The following NDST4 variants were observed in gnomAD, a reference collection of about 807,000 sequenced individuals.
The protein encoded by NDST4 is N-deacetylase and N-sulfotransferase 4.
Under a neutral mutation model 100.8 loss-of-function variants are expected in NDST4, and 63 were observed. The observed-to-expected ratio is 0.62, with a 90% CI of 0.51 to 0.77. The LOEUF (loss-of-function observed/expected upper bound fraction) is 0.77, where lower values mean the gene tolerates loss of function less well. NDST4 is among the 30% of genes least tolerant of loss of function. The pLI is 0.00. For missense variants in NDST4, 943 were observed against 1,018.4 expected (o/e 0.93, Z 1.01); for synonymous variants, 377 against 361.8 (o/e 1.04, Z -0.48).
At chr4:114,920,693 A>C (rs1725269630) in intron 6 of NDST4, among the ~76,000 whole-genome samples, 1 of 152,122 alleles carries the variant, frequency 6.6e-6, no homozygotes, top group Non-Finnish European at 1.5e-5. Context: ...CCTTTTCTTT[A>C]CTTCTAAATC....
intron 2 of NDST4, among the ~76,000 whole-genome samples, chr4:114,979,315 C>T (rs1220220174): frequency 1.3e-5 from 2 of 151,108 alleles, no homozygotes; most frequent in South Asian, 2.1e-4. Context: ...TGCATCCATG[C>T]TCTATCTCAT....
intron 1 of NDST4, among the ~76,000 whole-genome samples, chr4:115,106,256 T>C (rs927902338): frequency 6.6e-6 from 1 of 152,156 alleles, no homozygotes; most frequent in African/African-American, 2.4e-5. Flanking sequence ...GGATCACAGA[T>C]AACTGTTTCC....
At chr4:115,113,092 A>C (rs530083041) in intron 1 of NDST4, among the ~76,000 whole-genome samples, 6 of 151,956 alleles carry the variant, frequency 3.9e-5, no homozygotes, top group Non-Finnish European at 7.4e-5. Context: ...TTGGATGTTG[A>C]GTTTGTAAAA....
intron 6 of NDST4, among the ~76,000 whole-genome samples, chr4:114,895,397 C>A (rs58005760): frequency 0.23 from 34,463 of 151,902 alleles, 5,613 homozygotes; most frequent in African/African-American, 0.47. Flanking sequence ...GAAATGAATA[C>A]ATTCCTGGAG....
chr4:114,841,845 G>GT (rs1221086578), intron 10 of NDST4, among the ~76,000 whole-genome samples: 7 of 151,554 alleles, frequency 4.6e-5, no homozygotes, highest in South Asian at 2.1e-4. Context: ...CAATCTAAGT[G>GT]TTTTTTTTGG....
rs547682836 is a variant in NDST4, at chr4:115,099,124, A to T, written c.-247+14320T>A. On this transcript the variant is annotated intron_variant, in intron 1 of 13. Transcript: ENST00000264363. The stretch of plus-strand genomic sequence containing the variant: ...TGCAGAAACAGTGATTTACACACAG[A>T]CTTTACAACCTTTTTAATAATTAAC... Among the ~76,000 whole-genome samples the T allele has an allele frequency of 2.6e-5, 4 of 152,338 alleles. No individual in the cohort carries two copies. In the South Asian group the frequency reaches 8.3e-4, roughly 32 times the overall value.
At chr4:114,886,635 A>T (rs1724484141) in intron 6 of NDST4, among the ~76,000 whole-genome samples, 1 of 152,144 alleles carries the variant, frequency 6.6e-6, no homozygotes, top group Non-Finnish European at 1.5e-5. Context: ...TTCTGTTTAC[A>T]GTTTGTGGTT....
At chr4:115,069,011 A>T (rs1054295034) in intron 2 of NDST4, among the ~76,000 whole-genome samples, 1 of 152,048 alleles carries the variant, frequency 6.6e-6, no homozygotes, top group African/African-American at 2.4e-5. Flanking sequence ...TTTGGAGTTG[A>T]CTTATATACA....
At position 114,833,720 on chromosome 4, in the gene NDST4, A is replaced by T; in HGVS notation, c.2287-5T>A. On this transcript the variant is annotated splice_region_variant and splice_polypyrimidine_tract_variant and intron_variant, in intron 11 of 13. Coordinates refer to ENST00000264363, the MANE Select transcript of NDST4 (RefSeq NM_022569.3). The stretch of plus-strand genomic sequence containing the variant: ...CTGTCCATCAATAATTAGCAACTGT[A>T]AAGTCAGAAATAGTCACTTTATGAA... The T allele has an allele frequency of 6.3e-7, 1 of 1,588,356 alleles. No individual in the cohort carries two copies. Among genetic ancestry groups the T allele is most frequent in the Non-Finnish European group, 8.6e-7 (1 of 1,160,392 alleles).
intron 6 of NDST4, among the ~76,000 whole-genome samples, chr4:114,874,399 A>C (rs560063319): frequency 6.6e-6 from 1 of 152,296 alleles, no homozygotes; most frequent in Admixed American, 6.5e-5. Flanking sequence ...GTCTGGAGAT[A>C]TGTGGTTCTA....
At chr4:115,090,891 A>C (rs1031284889) in intron 1 of NDST4, among the ~76,000 whole-genome samples, 18 of 139,368 alleles carry the variant, frequency 1.3e-4, no homozygotes, top group Non-Finnish European at 1.5e-5. Context: ...TTACACACCA[A>C]ATACATTTTA....
chr4:114,916,619 C>T (rs1387525818), intron 6 of NDST4, among the ~76,000 whole-genome samples: 8 of 147,852 alleles, frequency 5.4e-5, no homozygotes, highest in African/African-American at 1.7e-4. Context: ...AGTGGAAATG[C>T]ACTCACTTTC....
intron 8 of NDST4, 62 bp downstream of exon 8, chr4:114,852,663 A>G (rs1934215464): frequency 2.3e-6 from 2 of 869,784 alleles, no homozygotes; most frequent in Admixed American, 2.4e-5. Flanking sequence ...AAATCCATAT[A>G]CCAATGTATT....
At chr4:114,961,284 C>G (rs931447887) in intron 4 of NDST4, among the ~76,000 whole-genome samples, 4 of 151,236 alleles carry the variant, frequency 2.6e-5, no homozygotes, top group African/African-American at 9.7e-5. Context: ...TATTATTTCT[C>G]CGTAAAACAT....
chr4:114,962,845 T>G (rs1373201150), intron 4 of NDST4, among the ~76,000 whole-genome samples: 1 of 151,996 alleles, frequency 6.6e-6, no homozygotes, highest in Non-Finnish European at 1.5e-5. Context: ...AGACCCAGAA[T>G]AGTCAAAATC....
At chr4:114,897,489 T>C (rs1246351117) in intron 6 of NDST4, among the ~76,000 whole-genome samples, 2 of 152,224 alleles carry the variant, frequency 1.3e-5, no homozygotes, top group Non-Finnish European at 2.9e-5. Flanking sequence ...TTGAAGAATA[T>C]CTTGTTTCTT....
At chr4:114,988,133 T>G (rs1726952256) in intron 2 of NDST4, among the ~76,000 whole-genome samples, 1 of 152,010 alleles carries the variant, frequency 6.6e-6, no homozygotes, top group Non-Finnish European at 1.5e-5. Flanking sequence ...TATTTAGAAT[T>G]AACAATTATA....
intron 7 of NDST4, among the ~76,000 whole-genome samples, chr4:114,862,856 A>G (rs60008389): frequency 0.019 from 2,868 of 152,200 alleles, 95 homozygotes; most frequent in African/African-American, 0.064. Context: ...TGCTGTTCCA[A>G]ATATTTTTAT....
At chr4:115,006,031 C>CAA (rs33988343) in intron 2 of NDST4, among the ~76,000 whole-genome samples, 3,257 of 99,204 alleles carry the variant, frequency 0.033, 182 homozygotes, top group African/African-American at 0.12. Flanking sequence ...GACTCTATCT[C>CAA]AAAAAAAAAA....
Sources: gnomAD v4.1 joint callset for allele counts (sites outside exome capture counted in the v4.1 genomes callset) on GRCh38, gnomAD v4.1.1 for gene constraint, MANE v1.5 for transcripts, NCBI Gene and HGNC (gene_info 2026-07-23, HGNC 2026-07-21) for gene names.